STARD7: variants seen among roughly 807,000 people sequenced by gnomAD.
STARD7 encodes the protein StAR related lipid transfer domain containing 7.
STARD7 carries 30 observed loss-of-function variants against 45.3 expected under a neutral mutation model. That is an observed-to-expected ratio of 0.66 (90% CI 0.50 to 0.90). The LOEUF (loss-of-function observed/expected upper bound fraction) is 0.90. Ranked by LOEUF, STARD7 falls within the 40% of genes least tolerant of loss-of-function variation. The probability of loss-of-function intolerance (pLI) is 0.00; values close to 1 mark genes in which losing one functional copy is unlikely to be tolerated. For synonymous variants in STARD7, 199 were observed against 183.0 expected (o/e 1.09, Z -0.70); for missense variants, 495 against 491.3 (o/e 1.01, Z -0.07).
Position 96,187,275 on chromosome 2 carries a change from G to A in STARD7, c.870C>T (p.Tyr290=). Residue 290 remains tyrosine (Y), a synonymous_variant, in exon 7 of 8, where the codon TAC becomes TAT. Coordinates refer to ENST00000337288, the MANE Select transcript of STARD7 (RefSeq NM_020151.4). ...GAAACACCGTTTGGGGATTGTCACT[G>A]TATGTTAGTAAGTAGTCAAAGCCAT... The part of the protein sequence containing the change: ...DENGFDYLLT[Y]SDNPQTVFPR... 5 of 1,613,718 alleles carry A rather than the reference G, an allele frequency of 3.1e-6. No individual in the cohort carries two copies. Among genetic ancestry groups the A allele is most frequent in the Non-Finnish European group, 4.2e-6 (5 of 1,179,684 alleles).
rs150385509 is a variant in STARD7 at position 96,194,965 on chromosome 2, T to C, written c.542A>G (p.Asn181Ser). ...AGAGAAAAATTAACTCACCTGAACA[T>C]TGAAGAACTGCCGAGGTGTCACATC... is the stretch of plus-strand genomic sequence containing the variant. Reference protein sequence around the residue: ...YTDVTPRQFFNVQLDTEYRKK... With the variant: ...YTDVTPRQFFSVQLDTEYRKK... The change falls in exon 3 of 8, where the codon AAT becomes AGT. Residue 181 changes from asparagine (N) to serine (S), a missense_variant. Asn to Ser is a conservative substitution (Grantham distance 46, BLOSUM62 1). Transcript: ENST00000337288. 331 of 1,610,058 alleles carry C rather than the reference T, an allele frequency of 2.1e-4. No individual in the cohort carries two copies. The highest frequency in any genetic ancestry group is 2.3e-4 in the Non-Finnish European group (267 of 1,178,208).
chr2:96,185,875 A>C lies in STARD7; in HGVS notation c.*855T>G, dbSNP rs1179984944. The C allele has an allele frequency of 6.6e-6, 1 of 152,260 alleles. No individual in the cohort carries two copies. Among genetic ancestry groups the C allele is most frequent in the East Asian group, 1.9e-4 (1 of 5,204 alleles). The allele number at this position is 152,260 out of a possible 1,614,324, so 9.4% of individuals were successfully genotyped here. The stretch of plus-strand genomic sequence containing the variant: ...TTGACACAAAAGTTAAAAAATTTTT[A>C]AACTAAATTTAAATGTGATGTTTTG... On this transcript the variant is annotated 3_prime_UTR_variant, in exon 8 of 8. Transcript: ENST00000337288.
intron 6 of STARD7, among the ~76,000 whole-genome samples, chr2:96,188,804 G>A (rs1471888186): frequency 1.3e-5 from 2 of 151,908 alleles, no homozygotes; most frequent in African/African-American, 4.8e-5. Context: ...TGAGGCAAGA[G>A]AACTGCTTGA....
intron 3 of STARD7, among the ~76,000 whole-genome samples, chr2:96,193,744 A>T (rs755969759): frequency 3.3e-5 from 5 of 152,282 alleles, no homozygotes; most frequent in Non-Finnish European, 7.3e-5. Context: ...AAATGCAAGC[A>T]GCATATTTTT....
At chr2:96,195,981 C>T (rs910550661) in intron 1 of STARD7, among the ~76,000 whole-genome samples, 3 of 151,640 alleles carry the variant, frequency 2.0e-5, no homozygotes, top group East Asian at 1.9e-4. Flanking sequence ...GGCATGGTGG[C>T]GCGCAACTGT....
chr2:96,189,037 C>A (rs1013503204), intron 6 of STARD7, among the ~76,000 whole-genome samples: 2 of 151,966 alleles, frequency 1.3e-5, no homozygotes, highest in African/African-American at 2.4e-5. Flanking sequence ...ACAGCCTCCA[C>A]CTCCTGGGCT....
intron 1 of STARD7, among the ~76,000 whole-genome samples, chr2:96,207,641 C>G (rs564871318): frequency 2.6e-5 from 4 of 152,318 alleles, no homozygotes; most frequent in Admixed American, 2.0e-4. Context: ...GTAACCTGGA[C>G]AAAATCGCTT....
chr2:96,195,625 G>C lies in STARD7; in HGVS notation c.291-76C>G, dbSNP rs947191187. ...ATGAAGTGTCCACACAAAGGTCTGT[G>C]CAAGAAGGTTATACAGTAAACCACA... is the stretch of plus-strand genomic sequence containing the variant. On this transcript the variant is annotated intron_variant, in intron 1 of 7. Transcript: ENST00000337288. The C allele has an allele frequency of 4.3e-6, 5 of 1,170,904 alleles. No individual in the cohort carries two copies. The African/African-American group carries it at 6.0e-5, about 14-fold the overall frequency. The allele number at this position is 1,170,904 out of a possible 1,614,324, so 72.5% of individuals were successfully genotyped here. A position where few individuals can be genotyped will look rare whatever the true frequency, so the allele number is the denominator to read the frequency against.
In STARD7 at chr2:96,194,960, G is replaced by C; in HGVS notation, c.547C>G (p.Gln183Glu). The C allele has an allele frequency of 6.2e-7, 1 of 1,609,094 alleles. No homozygotes were observed. Among genetic ancestry groups the C allele is most frequent in the Non-Finnish European group, 8.5e-7 (1 of 1,177,692 alleles). ...DVTPRQFFNV[Q>E]LDTEYRKKWD... ...TCTGGAGAGAAAAATTAACTCACCT[G>C]AACATTGAAGAACTGCCGAGGTGTC... Residue 183 changes from glutamine (Q) to glutamate (E), a missense_variant and splice_region_variant, in exon 3 of 8, where the codon CAG (glutamine) becomes GAG (glutamate). Gln to Glu is a conservative substitution (Grantham distance 29). Coordinates refer to ENST00000337288, the MANE Select transcript of STARD7 (RefSeq NM_020151.4).
Position 96,208,277 on chromosome 2 carries a change from G to A in STARD7, c.158C>T (p.Ser53Leu). 1 of 1,611,366 alleles carries A rather than the reference G, an allele frequency of 6.2e-7. No individual in the cohort carries two copies. Among genetic ancestry groups the A allele is most frequent in the Non-Finnish European group, 8.5e-7 (1 of 1,179,340 alleles). Residue 53 changes from serine to leucine, a missense_variant, in exon 1 of 8, where the codon TCA becomes TTA. This residue lies in a region of STARD7 where 282 missense variants were observed against 220.1 expected (regional missense o/e 1.28). Transcript: ENST00000337288. ...QLYGRLYSES[S>L]RRVLLGRLWR... ...GAGGCGGCCGAGGAGAACGCGGCGT[G>A]AGCTCTCGGAGTAGAGGCGGCCGTA...
At chr2:96,207,399 G>C (rs1293803811) in intron 1 of STARD7, among the ~76,000 whole-genome samples, 1 of 152,176 alleles carries the variant, frequency 6.6e-6, no homozygotes, top group Non-Finnish European at 1.5e-5. Flanking sequence ...AGAAAATACA[G>C]ACACAAGGTA....
intron 7 of STARD7, 57 bp downstream of exon 7, chr2:96,187,160 G>C: frequency 7.7e-7 from 1 of 1,301,100 alleles, no homozygotes; most frequent in Admixed American, 2.1e-5. Context: ...TTAGGAAATA[G>C]AGAAAAACAA....
chr2:96,208,225 G>C lies in STARD7; in HGVS notation c.210C>G (p.Gly70=). The C allele has an allele frequency of 6.2e-7, 1 of 1,612,458 alleles. No homozygotes were observed. The highest frequency in any genetic ancestry group is 1.1e-5 in the South Asian group (1 of 90,952). The stretch of plus-strand genomic sequence containing the variant: ...ACGCCGCCATCAAGGCAGAGGCATG[G>C]CCAGGACGGCCGTGCAGCCGGCGCC... ...RLWRRLHGRP[G]HASALMAALA... The change falls in exon 1 of 8, where the codon GGC becomes GGG. Residue 70 remains glycine, a synonymous_variant. Transcript: ENST00000337288.
chr2:96,201,256 C>A (rs1683299295), intron 1 of STARD7, among the ~76,000 whole-genome samples: 1 of 151,666 alleles, frequency 6.6e-6, no homozygotes, highest in South Asian at 2.1e-4. Context: ...GAAAATAGGC[C>A]TCAGTAATCC....
At chr2:96,190,418 C>T (rs1271324998) in intron 6 of STARD7, among the ~76,000 whole-genome samples, 1 of 151,100 alleles carries the variant, frequency 6.6e-6, no homozygotes. Context: ...TCACTGCAAC[C>T]TCTGCCTCCC....
Position 96,208,392 on chromosome 2 carries a change from G to T in STARD7, c.43C>A (p.Arg15=). 1.4e-6 allele frequency: 2 copies of T among 1,471,762 alleles called. No individual in the cohort carries two copies. Among genetic ancestry groups the T allele is most frequent in the South Asian group, 1.3e-5 (1 of 76,124 alleles). The allele number at this position is 1,471,762 out of a possible 1,614,324, so 91.2% of individuals were successfully genotyped here. A position where few individuals can be genotyped will look rare whatever the true frequency, so the allele number is the denominator to read the frequency against. The part of the protein sequence containing the change: ...RLLAAWLAGT[R]GGGLLALLAN... The stretch of plus-strand genomic sequence containing the variant: ...AGAAGCGCCAGCAGGCCCCCGCCCC[G>T]CGTCCCCGCCAGCCAGGCGGCCAGC... Residue 15 remains arginine, a synonymous_variant, in exon 1 of 8, where the codon CGG becomes AGG. Coordinates refer to ENST00000337288, the MANE Select transcript of STARD7 (RefSeq NM_020151.4).
chr2:96,192,538 A>C (rs1683141312), intron 5 of STARD7, 70 bp from the exon 6 acceptor site: 1 of 1,197,200 alleles, frequency 8.4e-7, no homozygotes, highest in Admixed American at 1.7e-5. Flanking sequence ...GAGCTAAGTT[A>C]AGGGGAAGGC....
intron 1 of STARD7, among the ~76,000 whole-genome samples, chr2:96,203,963 A>ACC (rs59477259): frequency 1.3e-5 from 2 of 148,734 alleles, no homozygotes; most frequent in African/African-American, 2.5e-5. Context: ...AAGACTCCAT[A>ACC]CCCCCCAAAA....
At position 96,208,332 on chromosome 2, in the gene STARD7, C is replaced by A. The variant is rs776148826; in HGVS notation, c.103G>T (p.Val35Leu). ...NQCRFVTGLR[V>L]RRAQQIAQLY... Reference sequence around the variant, plus strand: ...TGCGCGATCTGCTGCGCGCGCCGCACGCGCAGGCCCGTGACGAAGCGGCAC... The same window carrying A: ...TGCGCGATCTGCTGCGCGCGCCGCAAGCGCAGGCCCGTGACGAAGCGGCAC... The change falls in exon 1 of 8, where the codon GTG becomes TTG. Residue 35 changes from valine (V) to leucine (L), a missense_variant. Physicochemically the swap from Val to Leu is conservative, Grantham distance 32 (BLOSUM62 1). Transcript: ENST00000337288. The A allele has an allele frequency of 1.9e-6, 3 of 1,602,270 alleles. No individual in the cohort carries two copies. In the South Asian group the frequency reaches 3.3e-5, roughly 18 times the overall value.
Sources: gnomAD v4.1 joint callset for allele counts (sites outside exome capture counted in the v4.1 genomes callset) on GRCh38, gnomAD v4.1.1 for gene constraint, gnomAD v4.1.1 regional missense constraint, MANE v1.5 for transcripts, NCBI Gene and HGNC (gene_info 2026-07-23, HGNC 2026-07-21) for gene names.